ASAP3: variants seen among roughly 807,000 people sequenced by gnomAD.
ASAP3 encodes ArfGAP with SH3 domain, ankyrin repeat and PH domain 3.
Under a neutral mutation model 118.2 loss-of-function variants are expected in ASAP3, and 85 were observed. That is an observed-to-expected ratio of 0.72 (90% CI 0.60 to 0.86). ASAP3 has a LOEUF of 0.86. Among genes scored for constraint, ASAP3 ranks in the 40% least tolerant of loss-of-function variants. The pLI is 0.00. For synonymous variants in ASAP3, 432 were observed against 477.4 expected (o/e 0.90, Z 1.24); for missense variants, 1,026 against 1,175.0 (o/e 0.87, Z 1.85).
chr1:23,431,153 C>T, intron 23 of ASAP3, 28 bp from the exon 24 acceptor site: 1 of 1,558,672 alleles, frequency 6.4e-7, no homozygotes, highest in Non-Finnish European at 8.7e-7. Flanking sequence ...GCCAACATGA[C>T]CCTCATGTCC....
intron 5 of ASAP3, 83 bp from the exon 6 acceptor site, chr1:23,442,695 C>A: frequency 6.5e-7 from 1 of 1,539,444 alleles, no homozygotes; most frequent in South Asian, 1.2e-5. Flanking sequence ...AGCAAAGGGG[C>A]CACATGGTGC....
At chr1:23,471,257 A>C (rs1641953555) in intron 1 of ASAP3, among the ~76,000 whole-genome samples, 1 of 152,066 alleles carries the variant, frequency 6.6e-6, no homozygotes, top group East Asian at 1.9e-4. Context: ...CTGTCTAGTA[A>C]ACACTTCATC....
rs1297800172 is a variant in ASAP3, at chr1:23,437,265, C to G, written c.1207G>C (p.Gly403Arg). Residue 403 changes from glycine to arginine, a missense_variant, in exon 14 of 25, where the codon GGG (glycine) becomes CGG (arginine). By Grantham distance (125) the Gly-to-Arg change is moderately radical. Coordinates refer to ENST00000336689, the MANE Select transcript of ASAP3 (RefSeq NM_017707.4). This position sits in a 1 kb window ranked among gnomAD's most constrained non-coding sequence, Gnocchi z 6.1. ...GACCCCGGGCCAGCGCTGGGCTCCC[C>G]GAGGAAGGCGCTGCTCAGGGCTTCG... ...KDEALSSAFL[G>R]EPSAGPGSWG... 2 of 1,595,656 alleles carry G rather than the reference C, an allele frequency of 1.3e-6. No homozygotes were observed. Among genetic ancestry groups the G allele is most frequent in the African/African-American group, 2.7e-5 (2 of 74,642 alleles).
In ASAP3 at chr1:23,477,395, AAAAG is replaced by A. The variant is rs1570417194; in HGVS notation, c.129+6606_129+6609del. 4.6e-5 allele frequency among the ~76,000 whole-genome samples: 7 copies of A among 151,036 alleles called. No individual in the cohort carries two copies. The South Asian group carries it at 1.5e-3, about 32-fold the overall frequency. ...CCATCTCAAAAAAAAAAAAAAAAAA[AAAAG>A]AAGATGTTCCTTGGTGATGAGGGGC... On this transcript the variant is annotated intron_variant, in intron 1 of 24. Transcript: ENST00000336689.
chr1:23,441,819 T>C, intron 7 of ASAP3, 89 bp from the exon 8 acceptor site: 1 of 1,379,532 alleles, frequency 7.2e-7, no homozygotes, highest in South Asian at 1.2e-5. Flanking sequence ...GCCGTAAGGA[T>C]CACAGGGCAC....
At chr1:23,460,528 C>CAAAAAAAAAAA (rs1558161244) in intron 1 of ASAP3, among the ~76,000 whole-genome samples, 7 of 140,390 alleles carry the variant, frequency 5.0e-5, no homozygotes, top group African/African-American at 1.3e-4. Flanking sequence ...AAAAAAAAAC[C>CAAAAAAAAAAA]AAACAAAAAC....
chr1:23,461,728 C>T (rs1003156054), intron 1 of ASAP3, among the ~76,000 whole-genome samples: 10 of 152,032 alleles, frequency 6.6e-5, no homozygotes, highest in African/African-American at 2.2e-4. Flanking sequence ...CCTCTGTCAC[C>T]CCTTTCTTCT....
intron 1 of ASAP3, among the ~76,000 whole-genome samples, chr1:23,458,562 T>C (rs1445551845): frequency 6.6e-6 from 1 of 152,126 alleles, no homozygotes; most frequent in East Asian, 1.9e-4. Context: ...ATTGCGCCAC[T>C]GCACTCCAGC....
At chr1:23,440,994 C>T (rs17184553) in intron 10 of ASAP3, 108 bp downstream of exon 10, 62,465 of 1,013,074 alleles carry the variant, frequency 0.062, 2,445 homozygotes, top group Non-Finnish European at 0.076. Context: ...TTGCAACCCT[C>T]GGTGTCTACA....
intron 1 of ASAP3, among the ~76,000 whole-genome samples, chr1:23,480,637 A>G (rs1307203289): frequency 7.2e-5 from 11 of 152,156 alleles, no homozygotes; most frequent in South Asian, 6.2e-4. Flanking sequence ...CAGTCAGCAA[A>G]TCAAAGTAGC....
intron 1 of ASAP3, among the ~76,000 whole-genome samples, chr1:23,478,677 G>A (rs1005742263): frequency 6.0e-5 from 9 of 150,940 alleles, no homozygotes; most frequent in African/African-American, 2.0e-4. Context: ...GAAGAATGGC[G>A]TGAACCTGGG....
intron 5 of ASAP3, among the ~76,000 whole-genome samples, chr1:23,448,369 A>G (rs1641110808): frequency 6.6e-6 from 1 of 152,212 alleles, no homozygotes; most frequent in African/African-American, 2.4e-5. Context: ...TGCCAGGGAG[A>G]ATAAATCTGG....
chr1:23,431,327 T>G (rs1207463033), intron 23 of ASAP3, among the ~76,000 whole-genome samples: 5 of 152,044 alleles, frequency 3.3e-5, no homozygotes, highest in Admixed American at 3.3e-4. Flanking sequence ...CAGGTCTACT[T>G]CTCCCCAAAC....
intron 1 of ASAP3, among the ~76,000 whole-genome samples, chr1:23,457,665 C>A (rs531700808): frequency 6.6e-6 from 1 of 152,268 alleles, no homozygotes; most frequent in African/African-American, 2.4e-5. Context: ...TACAGGTGCC[C>A]ACCACCTGGC....
Position 23,452,728 on chromosome 1 carries a change from A to G in ASAP3, c.392T>C (p.Leu131Pro). The stretch of plus-strand genomic sequence containing the variant: ...ACCGTCCCTCAGCTGCCCCTTCATC[A>G]GACTGTCCAGGGGGAAAGAGACAAT... ...NNIVSFPLDS[L>P]MKGQLRDGRQ... The change falls in exon 4 of 25, where the codon CTG becomes CCG. Residue 131 changes from leucine (L) to proline (P), a missense_variant. Coordinates refer to ENST00000336689, the MANE Select transcript of ASAP3 (RefSeq NM_017707.4). The G allele has an allele frequency of 1.9e-6, 3 of 1,613,824 alleles. No individual in the cohort carries two copies. The highest frequency in any genetic ancestry group is 2.5e-6 in the Non-Finnish European group (3 of 1,179,990).
chr1:23,452,559 A>G, intron 4 of ASAP3, 138 bp downstream of exon 4: 1 of 913,102 alleles, frequency 1.1e-6, no homozygotes, highest in South Asian at 1.5e-5. Context: ...GGTCCTCCAG[A>G]CCTCCCCAGG....
intron 1 of ASAP3, among the ~76,000 whole-genome samples, chr1:23,461,361 C>T (rs182282917): frequency 2.6e-5 from 4 of 152,012 alleles, no homozygotes; most frequent in East Asian, 1.9e-4. Flanking sequence ...AAAATAAAGT[C>T]GATTTTTTTT....
intron 17 of ASAP3, 73 bp downstream of exon 17, chr1:23,435,778 A>G (rs183953420): frequency 6.4e-7 from 1 of 1,560,320 alleles, no homozygotes. Context: ...GGGGAGTAAC[A>G]GCTGGTCCTG....
chr1:23,463,867 G>C (rs1329194341), intron 1 of ASAP3, among the ~76,000 whole-genome samples: 1 of 152,018 alleles, frequency 6.6e-6, no homozygotes, highest in Non-Finnish European at 1.5e-5. Context: ...CAAAGTGCTG[G>C]GATTACAGGC....
Sources: gnomAD v4.1 joint callset for allele counts (sites outside exome capture counted in the v4.1 genomes callset) on GRCh38, gnomAD v4.1.1 for gene constraint, Gnocchi (gnomAD v3.1) non-coding constraint, MANE v1.5 for transcripts, NCBI Gene and HGNC (gene_info 2026-07-23, HGNC 2026-07-21) for gene names.